KLF8: variants seen among roughly 807,000 people sequenced by gnomAD.
KLF8 encodes the protein KLF transcription factor 8, also known as Krueppel-like factor 8.
A neutral mutation model predicts 18.2 loss-of-function variants in KLF8; 10 were observed. The observed-to-expected ratio is 0.55, with a 90% CI of 0.34 to 0.93. The LOEUF is 0.93. Ranked by LOEUF, KLF8 falls within the 40% of genes least tolerant of loss-of-function variation. The pLI is 0.02. For synonymous variants in KLF8, 109 were observed against 97.3 expected (o/e 1.12, Z -0.71); for missense variants, 264 against 277.9 (o/e 0.95, Z 0.36).
At chrX:56,222,342 C>A in the KLF8 span, among the ~76,000 whole-genome samples, 1 of 110,648 alleles carries the variant, frequency 9.0e-6, no homozygotes, top group East Asian at 2.8e-4. Flanking sequence ...CATAAAGATT[C>A]TCCAAGTCCC....
At chrX:56,201,668 A>G in the KLF8 span, among the ~76,000 whole-genome samples, 3 of 111,658 alleles carry the variant, frequency 2.7e-5, no homozygotes, top group African/African-American at 9.8e-5. Flanking sequence ...GGTGATGGAT[A>G]TGTCTATGGA....
intron 1 of KLF8, among the ~76,000 whole-genome samples, chrX:56,246,223 A>G (rs1397179373): frequency 8.9e-6 from 1 of 111,986 alleles, no homozygotes; most frequent in Non-Finnish European, 1.9e-5. Flanking sequence ...AAGCTTTTGA[A>G]GATGGGCAGT....
the KLF8 span, among the ~76,000 whole-genome samples, chrX:56,059,220 T>A: frequency 8.9e-6 from 1 of 112,125 alleles, no homozygotes; most frequent in Non-Finnish European, 1.9e-5. Flanking sequence ...TCTTGTAAAT[T>A]TCTTTAAGTT....
upstream of KLF8, among the ~76,000 whole-genome samples, chrX:56,228,902 T>TA (rs1400819589): frequency 1.8e-5 from 2 of 111,618 alleles, no homozygotes; most frequent in African/African-American, 6.5e-5. Flanking sequence ...AACAGTGATT[T>TA]AATGAATGCA....
chrX:56,137,269 G>A, the KLF8 span, among the ~76,000 whole-genome samples: 10 of 108,886 alleles, frequency 9.2e-5, no homozygotes, highest in Non-Finnish European at 1.7e-4. Context: ...ATACCCAAAG[G>A]ACTATAAATC....
chrX:56,266,891 T>C (rs2066980200), intron 3 of KLF8: 5 of 754,239 alleles, frequency 6.6e-6, no homozygotes, highest in Non-Finnish European at 7.8e-6. Context: ...GACTCTGCAC[T>C]GGTCTTCTGA....
chrX:56,253,983 C>G (rs1400655140), intron 2 of KLF8, among the ~76,000 whole-genome samples: 1 of 105,170 alleles, frequency 9.5e-6, no homozygotes, highest in Non-Finnish European at 1.9e-5. Flanking sequence ...CAGACTGGTC[C>G]TGAACTCCTA....
At chrX:56,174,486 G>A in the KLF8 span, among the ~76,000 whole-genome samples, 1 of 111,872 alleles carries the variant, frequency 8.9e-6, no homozygotes, top group East Asian at 2.8e-4. Context: ...TGTGCTGCTG[G>A]ATTAGGTTTG....
At chrX:56,147,427 G>T in the KLF8 span, among the ~76,000 whole-genome samples, 2 of 111,396 alleles carry the variant, frequency 1.8e-5, no homozygotes, top group South Asian at 7.4e-4. Flanking sequence ...TAGAATAAAA[G>T]AAATCTGATG....
chrX:56,050,328 C>G, the KLF8 span, among the ~76,000 whole-genome samples: 5 of 111,213 alleles, frequency 4.5e-5, no homozygotes, highest in African/African-American at 1.3e-4. Flanking sequence ...TGTTTTTGCT[C>G]TTGCTTTTCT....
the KLF8 span, among the ~76,000 whole-genome samples, chrX:56,130,651 GA>G: frequency 9.0e-6 from 1 of 111,274 alleles, no homozygotes; most frequent in African/African-American, 3.3e-5. Flanking sequence ...TCCAAGCCAA[GA>G]AAAAAATCCC....
chrX:56,020,285 A>G, the KLF8 span, among the ~76,000 whole-genome samples: 2 of 111,832 alleles, frequency 1.8e-5, no homozygotes, highest in African/African-American at 3.2e-5. Context: ...GAAGGGCAAT[A>G]TAAGGCATGC....
the KLF8 span, among the ~76,000 whole-genome samples, chrX:56,128,593 G>A: frequency 1.2e-4 from 13 of 111,206 alleles, no homozygotes; most frequent in African/African-American, 4.3e-4. Flanking sequence ...ATATAGGAAG[G>A]TTTCTCTTTA....
the KLF8 span, among the ~76,000 whole-genome samples, chrX:56,073,090 C>T: frequency 2.8e-5 from 3 of 109,058 alleles, no homozygotes; most frequent in East Asian, 5.8e-4. Flanking sequence ...GGGTTCACGC[C>T]ATTCTCCTGC....
At chrX:55,940,508 G>A in the KLF8 span, among the ~76,000 whole-genome samples, 1 of 111,730 alleles carries the variant, frequency 9.0e-6, no homozygotes, top group African/African-American at 3.3e-5. Context: ...ATTCAACATA[G>A]TGTTGAAATT....
At chrX:55,937,597 A>G in the KLF8 span, among the ~76,000 whole-genome samples, 19 of 112,206 alleles carry the variant, frequency 1.7e-4, no homozygotes, top group African/African-American at 5.2e-4. Flanking sequence ...GGAAGTTCGA[A>G]CCAATGGCAA....
chrX:55,952,640 C>T, the KLF8 span, among the ~76,000 whole-genome samples: 1 of 112,032 alleles, frequency 8.9e-6, no homozygotes, highest in Non-Finnish European at 1.9e-5. Context: ...TTTCACCTTT[C>T]TTAATCACAT....
chrX:56,070,293 A>G, the KLF8 span, among the ~76,000 whole-genome samples: 1 of 111,066 alleles, frequency 9.0e-6, no homozygotes, highest in African/African-American at 3.3e-5. Flanking sequence ...CAAATACCTA[A>G]TGCATGTGGG....
the KLF8 span, among the ~76,000 whole-genome samples, chrX:56,218,147 C>T: frequency 9.0e-6 from 1 of 111,136 alleles, no homozygotes; most frequent in East Asian, 2.8e-4. Flanking sequence ...ATAACCTGTT[C>T]CAAGGGGCAG....
Sources: allele counts gnomAD v4.1 joint callset (sites outside exome capture counted in the v4.1 genomes callset), GRCh38; gene constraint gnomAD v4.1.1; transcripts MANE v1.5; gene names NCBI Gene and HGNC (gene_info 2026-07-23, HGNC 2026-07-21).